The following OPA1 variants were observed in gnomAD, a reference collection of about 807,000 sequenced individuals.
OPA1 encodes the protein dynamin-like GTPase OPA1, mitochondrial.
Under a neutral mutation model 152.9 loss-of-function variants are expected in OPA1, and 59 were observed. That is an observed-to-expected ratio of 0.39 (90% confidence interval 0.31 to 0.48). The LOEUF (loss-of-function observed/expected upper bound fraction) is 0.48, where lower values mean the gene tolerates loss of function less well. OPA1 is among the 20% of genes least tolerant of loss of function. OPA1 has a pLI of 0.96. For missense variants in OPA1, 1,008 were observed against 1,216.8 expected (o/e 0.83, Z 2.55); for synonymous variants, 400 against 389.9 (o/e 1.03, Z -0.31).
At chr3:193,618,960 A>G (rs756926862) in intron 6 of OPA1, 24 bp downstream of exon 6, 13 of 1,568,310 alleles carry the variant, frequency 8.3e-6, no homozygotes, top group East Asian at 2.2e-5. Context: ...AGAATTGTTC[A>G]TGTAGGTAGT....
In OPA1 at chr3:193,642,754, G is replaced by T; in HGVS notation, c.1150-11G>T. 6.3e-7 allele frequency: 1 copy of T among 1,592,942 alleles called. No individual in the cohort carries two copies. Among genetic ancestry groups the T allele is most frequent in the Non-Finnish European group, 8.6e-7 (1 of 1,161,032 alleles). ...ATACATCATTACCTCTCAGTTTTCT[G>T]TTACTATCAGGTGACTCTGAGTGAA... On this transcript the variant is annotated splice_polypyrimidine_tract_variant and intron_variant, in intron 11 of 30. Coordinates refer to ENST00000361510, the MANE Select transcript of OPA1 (RefSeq NM_130837.3).
At chr3:193,668,347 C>T in intron 29 of OPA1, 1 of 1,551,456 alleles carries the variant, frequency 6.4e-7, no homozygotes, top group Non-Finnish European at 8.7e-7. Flanking sequence ...GGACTCAACA[C>T]TACACACCAG....
intron 22 of OPA1, among the ~76,000 whole-genome samples, chr3:193,655,562 A>G (rs902198794): frequency 1.6e-4 from 24 of 152,206 alleles, no homozygotes; most frequent in Non-Finnish European, 2.6e-4. Flanking sequence ...TTATCACTTA[A>G]TAGCTGTGTG....
intron 29 of OPA1, chr3:193,668,426 A>AG: frequency 6.4e-7 from 1 of 1,550,650 alleles, no homozygotes; most frequent in Middle Eastern, 1.7e-4. Context: ...CATCCGTGCC[A>AG]GGTTGCTCTT....
At chr3:193,647,775 A>G (rs1002475519) in intron 19 of OPA1, among the ~76,000 whole-genome samples, 5 of 152,158 alleles carry the variant, frequency 3.3e-5, no homozygotes, top group Non-Finnish European at 7.4e-5. Context: ...TAGGCCCAGG[A>G]TTTGGCTGTT....
rs1577248877 is a variant in OPA1, at chr3:193,645,466, A to G, written c.1609-87A>G. On this transcript the variant is annotated intron_variant, in intron 16 of 30. Transcript: ENST00000361510. Reference sequence around the variant, plus strand: ...TTATTTAACTATATACATGTATAGCATTATTTTGCTTTCTAAATTGTATAT... The same window carrying G: ...TTATTTAACTATATACATGTATAGCGTTATTTTGCTTTCTAAATTGTATAT... 1.2e-5 allele frequency: 11 copies of G among 936,578 alleles called. No homozygotes were observed. The East Asian group carries it at 2.9e-4, about 24-fold the overall frequency. 58.0% of individuals were successfully genotyped at this position (936,578 alleles called of 1,614,324 possible).
In OPA1 at chr3:193,697,439, C is replaced by T. The variant is rs867048244; in HGVS notation, c.*2839C>T. 1.2e-4 allele frequency: 18 copies of T among 152,236 alleles called. No individual in the cohort carries two copies. The highest frequency in any genetic ancestry group is 2.6e-4 in the African/African-American group (11 of 41,542). The allele number at this position is 152,236 out of a possible 1,614,324, so 9.4% of individuals were successfully genotyped here. ...TTATTTTTTTAAAACCTTCACATTACGTGTAGATATTATTGCAACTTATAT... is the reference window on the plus strand; with the variant it reads ...TTATTTTTTTAAAACCTTCACATTATGTGTAGATATTATTGCAACTTATAT... On this transcript the variant is annotated 3_prime_UTR_variant, in exon 31 of 31. Coordinates refer to ENST00000361510, the MANE Select transcript of OPA1 (RefSeq NM_130837.3).
chr3:193,647,218 CATTTT>C (rs776811152), intron 19 of OPA1, 38 bp downstream of exon 19: 1 of 1,309,878 alleles, frequency 7.6e-7, no homozygotes, highest in East Asian at 2.4e-5. Context: ...CAAATTAAGA[CATTTT>C]ATTAGCTGGC....
chr3:193,643,814 A>G (rs1344369681), intron 15 of OPA1, 161 bp from the exon 16 acceptor site: 3 of 937,922 alleles, frequency 3.2e-6, no homozygotes, highest in Non-Finnish European at 3.2e-6. Flanking sequence ...CATAAGCATC[A>G]TTGAAATTTT....
chr3:193,654,046 G>C (rs1162514222), intron 21 of OPA1, among the ~76,000 whole-genome samples: 1 of 152,102 alleles, frequency 6.6e-6, no homozygotes, highest in East Asian at 1.9e-4. Context: ...ATTTACCTAA[G>C]AGGAATGAAA....
chr3:193,600,269 G>T (rs1171110288), intron 1 of OPA1, among the ~76,000 whole-genome samples: 1 of 152,152 alleles, frequency 6.6e-6, no homozygotes, highest in African/African-American at 2.4e-5. Flanking sequence ...TCTCAGTGTG[G>T]AACTCACAAG....
In OPA1 at chr3:193,680,765, C is replaced by T. The variant is rs549208411; in HGVS notation, c.2984-11298C>T. Among the ~76,000 whole-genome samples, 307 of 152,124 alleles carry T rather than the reference C, an allele frequency of 2.0e-3. 2 individuals carry two copies. The highest frequency in any genetic ancestry group is 7.3e-3 in the South Asian group (35 of 4,806). On this transcript the variant is annotated intron_variant, in intron 29 of 30. Transcript: ENST00000361510. ...CTTTTTTAATCTTCCCAATTAATTG[C>T]CTAAATCATATTTTTTAAAATGTAT...
At chr3:193,686,075 ATT>A (rs1446853296) in intron 29 of OPA1, among the ~76,000 whole-genome samples, 1 of 152,218 alleles carries the variant, frequency 6.6e-6, no homozygotes, top group East Asian at 1.9e-4. Flanking sequence ...TGTTTCTTTC[ATT>A]ATTAATCCCA....
At chr3:193,644,744 C>T (rs1185959192) in intron 16 of OPA1, among the ~76,000 whole-genome samples, 1 of 152,074 alleles carries the variant, frequency 6.6e-6, no homozygotes. Context: ...TTTCTGTGGC[C>T]TCCTCCCCAT....
At chr3:193,639,546 T>A (rs1441930028) in intron 11 of OPA1, among the ~76,000 whole-genome samples, 1 of 152,154 alleles carries the variant, frequency 6.6e-6, no homozygotes, top group Admixed American at 6.5e-5. Flanking sequence ...CAAAGAGGCC[T>A]GTGTGGTCAG....
At chr3:193,690,313 C>T (rs1440389569) in intron 29 of OPA1, among the ~76,000 whole-genome samples, 3 of 16,196 alleles carry the variant, frequency 1.9e-4, no homozygotes, top group African/African-American at 5.0e-4. Flanking sequence ...TCCCCCCCCA[C>T]CCCACCCCAC....
chr3:193,617,264 T>C lies in OPA1; in HGVS notation c.535T>C (p.Leu179=), dbSNP rs1430772111. The change falls in exon 4 of 31, where the codon TTG becomes CTG. Residue 179 remains leucine (L), a synonymous_variant. Transcript: ENST00000361510. The stretch of plus-strand genomic sequence containing the variant: ...CAAGATTGTTGAAAGCCTTAGCTTA[T>C]TGAAGGACTTTTTTACCTCAGGTAA... ...FDKIVESLSL[L]KDFFTSGHKL... 1 of 1,610,620 alleles carries C rather than the reference T, an allele frequency of 6.2e-7. No homozygotes were observed. The highest frequency in any genetic ancestry group is 1.7e-4 in the Middle Eastern group (1 of 6,056).
chr3:193,671,002 G>T (rs1010003408), intron 29 of OPA1, among the ~76,000 whole-genome samples: 1 of 152,072 alleles, frequency 6.6e-6, no homozygotes, highest in Admixed American at 6.5e-5. Context: ...GGGACAATTT[G>T]GGCCCCAAAA....
intron 29 of OPA1, among the ~76,000 whole-genome samples, chr3:193,670,557 G>A (rs968771204): frequency 5.3e-5 from 8 of 151,784 alleles, no homozygotes; most frequent in Non-Finnish European, 8.8e-5. Context: ...TAGTAGAGAC[G>A]GGGTTTCCCC....
Sources: allele counts gnomAD v4.1 joint callset (sites outside exome capture counted in the v4.1 genomes callset), GRCh38; gene constraint gnomAD v4.1.1; transcripts MANE v1.5; gene names NCBI Gene and HGNC (gene_info 2026-07-23, HGNC 2026-07-21).